Variants in EYS observed in about 807,000 individuals in gnomAD.
The protein encoded by EYS is EGF-like photoreceptor maintenance factor, also known as protein eyes shut homolog.
Under a neutral mutation model 282.1 loss-of-function variants are expected in EYS, and 250 were observed. That is an observed-to-expected ratio of 0.89 (90% confidence interval 0.80 to 0.98). The LOEUF (loss-of-function observed/expected upper bound fraction) is 0.98, where lower values mean the gene tolerates loss of function less well. Ranked by LOEUF, EYS falls within the 50% of genes least tolerant of loss-of-function variation. EYS has a pLI of 0.00. For synonymous variants in EYS, 1,355 were observed against 1,282.9 expected (o/e 1.06, Z -1.20); for missense variants, 4,016 against 3,709.0 (o/e 1.08, Z -2.15).
intron 36 of EYS, chr6:63,857,335 C>T (rs1016231841): frequency 2.0e-5 from 3 of 153,598 alleles, no homozygotes; most frequent in African/African-American, 7.2e-5. Flanking sequence ...AATTTAGTCC[C>T]ATGGCCACAT....
At chr6:65,602,922 C>T (rs1462643197) in intron 2 of EYS, among the ~76,000 whole-genome samples, 1 of 151,890 alleles carries the variant, frequency 6.6e-6, no homozygotes, top group East Asian at 1.9e-4. Context: ...CTTTGCTCCA[C>T]TCAAATATTT....
chr6:65,434,513 G>T lies in EYS; in HGVS notation c.863-29146C>A, dbSNP rs898771306. Among the ~76,000 whole-genome samples the T allele has an allele frequency of 2.6e-5, 4 of 151,944 alleles. No individual in the cohort carries two copies. The South Asian group carries it at 8.3e-4, about 32-fold the overall frequency. On this transcript the variant is annotated intron_variant, in intron 5 of 42. Transcript: ENST00000503581. ...ATTTTTGTATTTTTAGCAGAGACGG[G>T]GTTTCACCATGTTAGCCAGGACGGT... is the stretch of plus-strand genomic sequence containing the variant.
chr6:63,854,272 C>T (rs1209973563), intron 36 of EYS, among the ~76,000 whole-genome samples: 2 of 152,000 alleles, frequency 1.3e-5, no homozygotes, highest in Admixed American at 1.3e-4. Flanking sequence ...TACTATGTAG[C>T]CATAAAAAAG....
chr6:64,440,537 A>T (rs548878536), intron 26 of EYS, among the ~76,000 whole-genome samples: 1 of 152,114 alleles, frequency 6.6e-6, no homozygotes, highest in Non-Finnish European at 1.5e-5. Flanking sequence ...ATGACTGAAA[A>T]AATAACAATG....
At chr6:64,677,992 T>C (rs1444700731) in intron 22 of EYS, among the ~76,000 whole-genome samples, 1 of 152,116 alleles carries the variant, frequency 6.6e-6, no homozygotes, top group Non-Finnish European at 1.5e-5. Context: ...AGTAAAACTT[T>C]TTCCTCTTTT....
intron 29 of EYS, among the ~76,000 whole-genome samples, chr6:64,362,109 GC>G (rs1335376838): frequency 6.6e-6 from 1 of 151,710 alleles, no homozygotes; most frequent in Admixed American, 6.6e-5. Context: ...AGGAGCTGGT[GC>G]TGCCATTTAT....
chr6:64,454,421 G>C (rs545419529), intron 26 of EYS, among the ~76,000 whole-genome samples: 5 of 152,134 alleles, frequency 3.3e-5, no homozygotes, highest in African/African-American at 1.2e-4. Flanking sequence ...ATCCTATTAA[G>C]TTGCATAAAA....
chr6:64,620,452 T>A (rs1211475848), intron 23 of EYS, among the ~76,000 whole-genome samples: 1 of 152,170 alleles, frequency 6.6e-6, no homozygotes, highest in Non-Finnish European at 1.5e-5. Flanking sequence ...TTTAGGTATG[T>A]TTCTTACTGG....
chr6:65,311,544 A>C (rs192033199), intron 11 of EYS, among the ~76,000 whole-genome samples: 75 of 152,318 alleles, frequency 4.9e-4, no homozygotes, highest in African/African-American at 1.7e-3. Context: ...CATTAGTTAA[A>C]AGTGAATAGT....
chr6:65,177,515 A>T (rs941630690), intron 12 of EYS, among the ~76,000 whole-genome samples: 21 of 151,950 alleles, frequency 1.4e-4, no homozygotes, highest in African/African-American at 4.8e-4. Flanking sequence ...ACGTTTAGCT[A>T]TACGATTATG....
chr6:65,295,147 T>G (rs1768627180), intron 12 of EYS, among the ~76,000 whole-genome samples: 2 of 152,060 alleles, frequency 1.3e-5, no homozygotes, highest in African/African-American at 2.4e-5. Flanking sequence ...TGGACAAAAC[T>G]TAAATAATTT....
At chr6:63,823,376 T>C (rs1771374254) in intron 36 of EYS, among the ~76,000 whole-genome samples, 2 of 152,184 alleles carry the variant, frequency 1.3e-5, no homozygotes, top group Non-Finnish European at 2.9e-5. Flanking sequence ...GTGGTGACTT[T>C]TAAAATAGTA....
intron 22 of EYS, chr6:64,731,016 T>A (rs371441443): frequency 6.6e-6 from 1 of 152,290 alleles, no homozygotes; most frequent in East Asian, 1.9e-4. Flanking sequence ...AAATCATAGA[T>A]TTTATCAAAT....
At chr6:65,608,165 T>C (rs1450929671) in intron 2 of EYS, among the ~76,000 whole-genome samples, 3 of 151,994 alleles carry the variant, frequency 2.0e-5, no homozygotes, top group Non-Finnish European at 4.4e-5. Context: ...GAAACCTAAA[T>C]GGGATAGCCT....
chr6:64,513,855 G>T (rs970190034), intron 26 of EYS, among the ~76,000 whole-genome samples: 8 of 151,772 alleles, frequency 5.3e-5, no homozygotes. Flanking sequence ...TAGATCTAAT[G>T]AGAAAGACTA....
chr6:63,774,274 T>C (rs1770005494), intron 40 of EYS, among the ~76,000 whole-genome samples: 1 of 152,096 alleles, frequency 6.6e-6, no homozygotes, highest in Non-Finnish European at 1.5e-5. Context: ...GTTCAAGCGA[T>C]TCTCCTGCCT....
chr6:63,789,358 AT>A lies in EYS; in HGVS notation c.7412-135del, dbSNP rs1770450594. 4.8e-6 allele frequency: 4 copies of A among 828,780 alleles called. No individual in the cohort carries two copies. The East Asian group carries it at 1.1e-4, about 23-fold the overall frequency. The allele number at this position is 828,780 out of a possible 1,614,324, so 51.3% of individuals were successfully genotyped here. ...AATACATATTTAGTCTCTAGTCAGC[AT>A]TTAGGTATATGTGCAACTGGCTGTT... On this transcript the variant is annotated intron_variant, in intron 37 of 42. Coordinates refer to ENST00000503581, the MANE Select transcript of EYS (RefSeq NM_001142800.2).
At chr6:65,218,339 C>T (rs1270562152) in intron 12 of EYS, among the ~76,000 whole-genome samples, 1 of 152,068 alleles carries the variant, frequency 6.6e-6, no homozygotes, top group East Asian at 1.9e-4. Context: ...TAGTTATTGG[C>T]ATGCAGATGG....
At chr6:64,847,614 T>A (rs12202459) in intron 19 of EYS, among the ~76,000 whole-genome samples, 84,435 of 151,798 alleles carry the variant, frequency 0.56, 24,222 homozygotes, top group Non-Finnish European at 0.62. Flanking sequence ...GAGCTCACCA[T>A]TTCACTACAA....
Sources: gnomAD v4.1 joint callset for allele counts (sites outside exome capture counted in the v4.1 genomes callset) on GRCh38, gnomAD v4.1.1 for gene constraint, MANE v1.5 for transcripts, NCBI Gene and HGNC (gene_info 2026-07-23, HGNC 2026-07-21) for gene names.